DGKB: variants seen among roughly 807,000 people sequenced by gnomAD.
DGKB encodes the protein 90 kDa diacylglycerol kinase.
In DGKB, 67 loss-of-function variants were observed where a neutral mutation model predicts 114.3. That is an observed-to-expected ratio of 0.59 (90% confidence interval 0.48 to 0.72). The LOEUF (loss-of-function observed/expected upper bound fraction) is 0.72. Among genes scored for constraint, DGKB ranks in the 30% least tolerant of loss-of-function variants. The pLI, the probability that DGKB is intolerant of heterozygous loss-of-function variation, is 0.00. For missense variants in DGKB, 907 were observed against 975.2 expected (o/e 0.93, Z 0.93); for synonymous variants, 398 against 323.1 (o/e 1.23, Z -2.49).
chr7:14,440,896 T>C (rs757788463), intron 21 of DGKB, among the ~76,000 whole-genome samples: 9 of 151,220 alleles, frequency 6.0e-5, no homozygotes, highest in Non-Finnish European at 8.9e-5. Flanking sequence ...TATGGTAAGA[T>C]ACCATTTTTA....
chr7:14,967,507 G>T (rs1182889083), intron 1 of DGKB, among the ~76,000 whole-genome samples: 1 of 151,586 alleles, frequency 6.6e-6, no homozygotes, highest in Non-Finnish European at 1.5e-5. Flanking sequence ...TTTTAGTAGA[G>T]ACGAGGTTTC....
intron 23 of DGKB, among the ~76,000 whole-genome samples, chr7:14,280,862 G>A (rs1341507399): frequency 2.6e-5 from 4 of 151,346 alleles, no homozygotes; most frequent in Admixed American, 6.6e-5. Context: ...TGAAGGAAGG[G>A]CTAAACATGG....
intron 21 of DGKB, among the ~76,000 whole-genome samples, chr7:14,408,148 C>T (rs1443193992): frequency 6.6e-6 from 1 of 152,038 alleles, no homozygotes; most frequent in Non-Finnish European, 1.5e-5. Flanking sequence ...TAGGCACATC[C>T]CTCTTTCACG....
chr7:14,945,337 G>T (rs1028102353), intron 1 of DGKB, among the ~76,000 whole-genome samples: 5 of 151,820 alleles, frequency 3.3e-5, no homozygotes, highest in African/African-American at 1.2e-4. Context: ...AGAGGCGGTA[G>T]TAACCAGAAG....
chr7:14,878,782 C>T (rs895673252), intron 1 of DGKB, among the ~76,000 whole-genome samples: 2 of 144,102 alleles, frequency 1.4e-5, no homozygotes, highest in Admixed American at 6.8e-5. Context: ...AAAAAAAAAA[C>T]CAAAGACTTA....
At chr7:14,945,520 T>C (rs978259988) in intron 1 of DGKB, among the ~76,000 whole-genome samples, 14 of 151,832 alleles carry the variant, frequency 9.2e-5, no homozygotes, top group African/African-American at 2.2e-4. Flanking sequence ...CAAATAAACA[T>C]ACACAATCAG....
At chr7:14,726,325 A>C (rs1251703580) in intron 5 of DGKB, among the ~76,000 whole-genome samples, 1 of 151,914 alleles carries the variant, frequency 6.6e-6, no homozygotes, top group African/African-American at 2.4e-5. Context: ...TTTTTAGTAG[A>C]GACGGGGTTT....
At chr7:14,613,822 C>T (rs1482280150) in intron 15 of DGKB, among the ~76,000 whole-genome samples, 2 of 152,044 alleles carry the variant, frequency 1.3e-5, no homozygotes, top group East Asian at 1.9e-4. Context: ...CCTCCTTTTA[C>T]GCAGGAGTCC....
chr7:14,354,310 A>C (rs569560113), intron 21 of DGKB, among the ~76,000 whole-genome samples: 1 of 152,330 alleles, frequency 6.6e-6, no homozygotes, highest in African/African-American at 2.4e-5. Context: ...TCCAACAAAC[A>C]AAAATTGTTT....
At chr7:14,619,252 A>G (rs1807159567) in intron 15 of DGKB, among the ~76,000 whole-genome samples, 1 of 151,462 alleles carries the variant, frequency 6.6e-6, no homozygotes, top group Non-Finnish European at 1.5e-5. Context: ...TGACACTTTT[A>G]TATGTCAAAG....
At chr7:14,244,052 A>G (rs1366558676) in intron 23 of DGKB, among the ~76,000 whole-genome samples, 5 of 139,400 alleles carry the variant, frequency 3.6e-5, no homozygotes, top group Non-Finnish European at 8.1e-5. Context: ...AGAGAGAGAG[A>G]GGGAGAGAGA....
intron 23 of DGKB, among the ~76,000 whole-genome samples, chr7:14,323,082 A>G (rs1453250910): frequency 6.6e-6 from 1 of 152,188 alleles, no homozygotes; most frequent in East Asian, 1.9e-4. Context: ...ATCTTCAATG[A>G]TAATGTTCAT....
At chr7:14,414,027 T>C (rs988554031) in intron 21 of DGKB, among the ~76,000 whole-genome samples, 1 of 152,198 alleles carries the variant, frequency 6.6e-6, no homozygotes, top group Non-Finnish European at 1.5e-5. Flanking sequence ...CAAATTGTTG[T>C]ACATTTTTTA....
intron 20 of DGKB, among the ~76,000 whole-genome samples, chr7:14,492,883 A>T (rs1784789234): frequency 6.6e-6 from 1 of 152,132 alleles, no homozygotes; most frequent in Admixed American, 6.6e-5. Context: ...TATTTTAATT[A>T]TACTGTTTGT....
chr7:14,960,809 C>T (rs1336214574), intron 1 of DGKB, among the ~76,000 whole-genome samples: 1 of 152,024 alleles, frequency 6.6e-6, no homozygotes, highest in Non-Finnish European at 1.5e-5. Flanking sequence ...ACTGTGAATA[C>T]ATTTATCTTA....
chr7:14,581,665 T>C (rs1799952055), intron 18 of DGKB, among the ~76,000 whole-genome samples: 2 of 152,186 alleles, frequency 1.3e-5, no homozygotes, highest in South Asian at 2.1e-4. Context: ...CTTTCTTTTA[T>C]TTGTTTCTTC....
At chr7:14,312,973 G>C (rs1055675923) in intron 23 of DGKB, among the ~76,000 whole-genome samples, 1 of 152,080 alleles carries the variant, frequency 6.6e-6, no homozygotes, top group African/African-American at 2.4e-5. Context: ...ATTTTCAAAT[G>C]ATTAATTCAT....
intron 5 of DGKB, among the ~76,000 whole-genome samples, chr7:14,723,432 C>T (rs1205409126): frequency 6.6e-6 from 1 of 152,034 alleles, no homozygotes; most frequent in Admixed American, 6.6e-5. Flanking sequence ...GTGATCAGAG[C>T]TAAATATTGC....
intron 1 of DGKB, among the ~76,000 whole-genome samples, chr7:14,902,053 C>A (rs1483899189): frequency 1.3e-5 from 2 of 152,130 alleles, no homozygotes; most frequent in East Asian, 3.9e-4. Context: ...TTTATCATAT[C>A]ATCAGTGTGG....
Sources: allele counts gnomAD v4.1 joint callset (sites outside exome capture counted in the v4.1 genomes callset), GRCh38; gene constraint gnomAD v4.1.1; transcripts MANE v1.5; gene names NCBI Gene and HGNC (gene_info 2026-07-23, HGNC 2026-07-21).